The following INSR variants were observed in gnomAD, a reference collection of about 807,000 sequenced individuals.
INSR encodes insulin receptor.
Under a neutral mutation model 142.6 loss-of-function variants are expected in INSR, and 67 were observed. That is an observed-to-expected ratio of 0.47 (90% CI 0.39 to 0.58). INSR has a LOEUF of 0.58. Ranked by LOEUF, INSR falls within the 20% of genes least tolerant of loss-of-function variation. INSR has a pLI of 0.00. For missense variants in INSR, 1,248 were observed against 1,833.2 expected, an observed-to-expected ratio of 0.68 and a Z score of 5.83; for synonymous variants, 756 against 743.1, an observed-to-expected ratio of 1.02 and a Z score of -0.28.
intron 1 of INSR, among the ~76,000 whole-genome samples, chr19:7,284,143 C>A (rs1010290320): frequency 2.6e-5 from 4 of 152,046 alleles, no homozygotes; most frequent in Admixed American, 2.0e-4. Context: ...TGGCTCACTG[C>A]AACCTTCACC....
rs1331227306 is a variant in INSR at position 7,184,611 on chromosome 19, C to T, written c.679G>A (p.Gly227Ser). ...CAACAGAGGCCTTCGGCGGTGCAGC[C>T]GTGTGACTTACAGATGGTCGGGCAA... The part of the protein sequence containing the change: ...KVCPTICKSH[G>S]CTAEGLCCHS... Residue 227 changes from glycine to serine, a missense_variant, in exon 3 of 22, where the codon GGC becomes AGC. This residue lies in a region of INSR where 1,069 missense variants were observed against 1,654.0 expected (regional missense o/e 0.65). Transcript: ENST00000302850. 8 of 1,609,930 alleles carry T rather than the reference C, an allele frequency of 5.0e-6. No homozygotes were observed. The highest frequency in any genetic ancestry group is 5.9e-6 in the Non-Finnish European group (7 of 1,179,518).
chr19:7,160,928 G>A (rs898617127), intron 9 of INSR, among the ~76,000 whole-genome samples: 4 of 149,736 alleles, frequency 2.7e-5, no homozygotes, highest in Non-Finnish European at 4.4e-5. Context: ...CCCAGCAGGC[G>A]GAGGTTGCAG....
intron 2 of INSR, among the ~76,000 whole-genome samples, chr19:7,203,822 A>AC (rs1975031544): frequency 1.9e-5 from 2 of 108,086 alleles, no homozygotes; most frequent in African/African-American, 7.0e-5. Flanking sequence ...AAGGGAGACG[A>AC]CTTTTAGCTT....
At chr19:7,160,355 C>T (rs1363074940) in intron 9 of INSR, among the ~76,000 whole-genome samples, 1 of 151,890 alleles carries the variant, frequency 6.6e-6, no homozygotes, top group Non-Finnish European at 1.5e-5. Flanking sequence ...CCATATTGGC[C>T]AGGGTGGTCT....
At chr19:7,172,799 G>A (rs1014238960) in intron 4 of INSR, among the ~76,000 whole-genome samples, 1 of 151,146 alleles carries the variant, frequency 6.6e-6, no homozygotes, top group Non-Finnish European at 1.5e-5. Flanking sequence ...TTGGGAGGGC[G>A]AGGCAGGTGG....
intron 2 of INSR, among the ~76,000 whole-genome samples, chr19:7,242,851 TA>T (rs972572050): frequency 6.7e-5 from 10 of 149,136 alleles, no homozygotes; most frequent in South Asian, 4.2e-4. Flanking sequence ...AATTTTGGCC[TA>T]AAAAAAAAGA....
chr19:7,209,318 C>T (rs1435546390), intron 2 of INSR, among the ~76,000 whole-genome samples: 1 of 152,110 alleles, frequency 6.6e-6, no homozygotes, highest in African/African-American at 2.4e-5. Context: ...CAATGCATCG[C>T]TCTCACCTCT....
intron 17 of INSR, among the ~76,000 whole-genome samples, chr19:7,124,323 C>G (rs1181104417): frequency 7.2e-6 from 1 of 137,934 alleles, no homozygotes; most frequent in Non-Finnish European, 1.5e-5. Flanking sequence ...GAGCTGAGAT[C>G]ATGCCACTGC....
chr19:7,188,554 A>C (rs2145001310), intron 2 of INSR, among the ~76,000 whole-genome samples: 1 of 151,086 alleles, frequency 6.6e-6, no homozygotes, highest in East Asian at 2.0e-4. Flanking sequence ...CGTCCAAAAA[A>C]AAAAAAAAAA....
Position 7,117,324 on chromosome 19 carries a change from A to G in INSR, c.3881T>C (p.Leu1294Pro). ...LEIVNLLKDD[L>P]HPSFPEVSFF... ...CGACACCTCTGGAAAGCTGGGGTGC[A>G]GGTCGTCCTTGAGCAGGTTGACAAT... Residue 1294 changes from leucine (L) to proline (P), a missense_variant, in exon 22 of 22, where the codon CTG becomes CCG. Physicochemically the swap from Leu to Pro is moderately conservative, Grantham distance 98. Coordinates refer to ENST00000302850, the MANE Select transcript of INSR (RefSeq NM_000208.4). The G allele has an allele frequency of 1.9e-6, 3 of 1,614,158 alleles. No homozygotes were observed. The highest frequency in any genetic ancestry group is 2.5e-6 in the Non-Finnish European group (3 of 1,180,028).
intron 1 of INSR, among the ~76,000 whole-genome samples, chr19:7,284,673 C>T (rs533434131): frequency 3.3e-5 from 5 of 152,114 alleles, no homozygotes; most frequent in Admixed American, 6.6e-5. Context: ...GGACTACAGG[C>T]GCCCGCCACC....
chr19:7,205,292 AT>A (rs1975078644), intron 2 of INSR, among the ~76,000 whole-genome samples: 1 of 152,182 alleles, frequency 6.6e-6, no homozygotes. Context: ...TTCGTTACAA[AT>A]TGTGACCATG....
rs1475976795 is a variant in INSR at position 7,168,129 on chromosome 19, A to AT, written c.1484-36dup. 1.9e-6 allele frequency: 3 copies of AT among 1,610,660 alleles called. No individual in the cohort carries two copies. Among genetic ancestry groups the AT allele is most frequent in the Non-Finnish European group, 8.5e-7 (1 of 1,177,780 alleles). On this transcript the variant is annotated intron_variant, in intron 6 of 21. Transcript: ENST00000302850. The surrounding 1 kb of genome is among the most constrained non-coding windows in gnomAD (Gnocchi z 4.3). ...TTAAAACAAAAGGCAAAAATGAGCT[A>AT]TTTCAGTGTAGTTTCAGACCAAAGC...
intron 1 of INSR, among the ~76,000 whole-genome samples, chr19:7,292,475 G>GGA (rs1968521764): frequency 8.2e-6 from 1 of 121,754 alleles, no homozygotes; most frequent in African/African-American, 2.8e-5. Flanking sequence ...GGGGCTGGGG[G>GGA]GGGGTGGGCC....
chr19:7,197,003 G>C (rs567948359), intron 2 of INSR, among the ~76,000 whole-genome samples: 3 of 152,220 alleles, frequency 2.0e-5, no homozygotes, highest in East Asian at 1.9e-4. Context: ...TCAGAGGTTC[G>C]AGTCCCCGGA....
At chr19:7,248,879 C>A (rs1256386249) in intron 2 of INSR, among the ~76,000 whole-genome samples, 1 of 151,374 alleles carries the variant, frequency 6.6e-6, no homozygotes, top group Non-Finnish European at 1.5e-5. Flanking sequence ...CCTGCCTCAG[C>A]CTCCCACGTA....
intron 2 of INSR, among the ~76,000 whole-genome samples, chr19:7,214,097 GC>G (rs1975360276): frequency 6.6e-6 from 1 of 152,094 alleles, no homozygotes; most frequent in Admixed American, 6.5e-5. Context: ...CACAATAAAT[GC>G]CTTTTAAGGA....
At chr19:7,178,636 T>C (rs1232024755) in intron 3 of INSR, among the ~76,000 whole-genome samples, 2 of 152,086 alleles carry the variant, frequency 1.3e-5, no homozygotes, top group Admixed American at 1.3e-4. Context: ...GGAGAATTGT[T>C]TGAACCTGGG....
At chr19:7,137,670 C>T (rs1489670208) in intron 13 of INSR, among the ~76,000 whole-genome samples, 1 of 151,816 alleles carries the variant, frequency 6.6e-6, no homozygotes, top group Admixed American at 6.6e-5. Context: ...TGCCTGTAAT[C>T]CCAGCTACTC....
Sources: gnomAD v4.1 joint callset for allele counts (sites outside exome capture counted in the v4.1 genomes callset) on GRCh38, gnomAD v4.1.1 for gene constraint, gnomAD v4.1.1 regional missense constraint, Gnocchi (gnomAD v3.1) non-coding constraint, MANE v1.5 for transcripts, NCBI Gene and HGNC (gene_info 2026-07-23, HGNC 2026-07-21) for gene names.